The following ARL13A variants were observed in gnomAD, a reference collection of about 807,000 sequenced individuals.
ARL13A encodes the protein ARF like GTPase 13A.
A neutral mutation model predicts 19.1 loss-of-function variants in ARL13A; 16 were observed. That is an observed-to-expected ratio of 0.84 (90% CI 0.57 to 1.27). The LOEUF (loss-of-function observed/expected upper bound fraction) is 1.27. Among genes scored for constraint, ARL13A ranks in the 50% most tolerant of loss-of-function variants. The pLI, the probability that ARL13A is intolerant of heterozygous loss-of-function variation, is 0.00. For synonymous variants in ARL13A, 69 were observed against 71.3 expected, an observed-to-expected ratio of 0.97 and a Z score of 0.17; for missense variants, 153 against 186.4, an observed-to-expected ratio of 0.82 and a Z score of 1.04.
At chrX:100,988,525 C>T (rs1007662832) in intron 7 of ARL13A, 6 of 1,134,705 alleles carry the variant, frequency 5.3e-6, no homozygotes, top group African/African-American at 1.8e-5. Context: ...CTTATAGACT[C>T]CAGCTCCATA....
rs184251683 is a variant in ARL13A at position 100,970,859 on chromosome X, C to G, written c.-15+1050C>G. On this transcript the variant is annotated intron_variant, in intron 1 of 7. Coordinates refer to ENST00000450049, the MANE Select transcript of ARL13A (RefSeq NM_001162491.2). ...AGGATAGCTGTAAACAAAAAACAAG[C>G]ATTACTGGTGGGAATGTAAGATGTT... Among the ~76,000 whole-genome samples, 293 of 111,944 alleles carry G rather than the reference C, an allele frequency of 2.6e-3. 1 individual carries two copies. Among genetic ancestry groups the G allele is most frequent in the African/African-American group, 8.8e-3 (272 of 30,832 alleles).
chrX:100,974,244 C>T, intron 3 of ARL13A, 47 bp downstream of exon 3: 1 of 971,228 alleles, frequency 1.0e-6, no homozygotes, highest in South Asian at 2.1e-5. Flanking sequence ...TCCCATGGAC[C>T]CCAGAATCCA....
intron 3 of ARL13A, among the ~76,000 whole-genome samples, chrX:100,977,369 CTTTTTTTTTTTTTTT>C (rs59915769): frequency 3.5e-5 from 2 of 56,457 alleles, no homozygotes; most frequent in South Asian, 1.2e-3. Flanking sequence ...CTACTCTCTT[CTTTTTTTTTTTTTTT>C]TTTTTTTTTT....
At chrX:100,989,287 C>A (rs1479190099) in intron 7 of ARL13A, among the ~76,000 whole-genome samples, 1 of 111,185 alleles carries the variant, frequency 9.0e-6, no homozygotes, top group Non-Finnish European at 1.9e-5. Context: ...GGCCAAGGTG[C>A]CTTTCCTTTG....
At chrX:100,988,459 T>C (rs2085967918) in intron 7 of ARL13A, 176 bp downstream of exon 7, 1 of 1,195,595 alleles carries the variant, frequency 8.4e-7, no homozygotes, top group East Asian at 3.0e-5. Context: ...AGGTGAATGT[T>C]CTAGGAGAAT....
rs1453765760 is a variant in ARL13A, at chrX:100,985,794, T to C, written c.258T>C (p.Tyr86=). The C allele has an allele frequency of 3.3e-6, 4 of 1,209,711 alleles. No homozygotes were observed. In the Admixed American group the frequency reaches 6.6e-5, roughly 20 times the overall value. ...LKGREAWPNY[Y]AQAHGLVFVL... ...GCCGGGAAGCATGGCCAAACTACTA[T>C]GCACAGGCCCATGGGCTTGTTTTCG... The change falls in exon 4 of 8, where the codon TAT becomes TAC. Residue 86 remains tyrosine, a synonymous_variant. Transcript: ENST00000450049.
chrX:100,988,236 C>A lies in ARL13A; in HGVS notation c.697C>A (p.Leu233Ile). Residue 233 changes from leucine (L) to isoleucine (I), a missense_variant, in exon 7 of 8, where the codon CTA (leucine) becomes ATA (isoleucine). Transcript: ENST00000450049. ...TGMSKEKRQHLEQCSIEAKPL... is the reference protein window; with the variant it reads ...TGMSKEKRQHIEQCSIEAKPL... ...AATGTCAAAGGAGAAAAGACAGCAT[C>A]TAGAACAATGCTCAATCGAAGCTAA... is the stretch of plus-strand genomic sequence containing the variant. The A allele has an allele frequency of 8.3e-7, 1 of 1,209,326 alleles. No individual in the cohort carries two copies. The highest frequency in any genetic ancestry group is 1.1e-6 in the Non-Finnish European group (1 of 894,311).
chrX:100,977,366 CTTCTTTTTTTTTTTTT>C (rs1258600754), intron 3 of ARL13A, among the ~76,000 whole-genome samples: 1 of 78,172 alleles, frequency 1.3e-5, no homozygotes, highest in Non-Finnish European at 2.3e-5. Context: ...CTTCTACTCT[CTTCTTTTTTTTTTTTT>C]TTTTTTTTTT....
chrX:100,973,997 C>T (rs2085721576), intron 2 of ARL13A, 130 bp from the exon 3 acceptor site: 1 of 586,407 alleles, frequency 1.7e-6, no homozygotes. Context: ...TTTGGCTGGG[C>T]CTTTTATGGT....
chrX:100,973,306 C>A (rs1309570410), intron 1 of ARL13A, among the ~76,000 whole-genome samples: 1 of 88,115 alleles, frequency 1.1e-5, no homozygotes, highest in Non-Finnish European at 2.3e-5. Context: ...ACTTCCCAGA[C>A]GGGGTGGCGG....
intron 3 of ARL13A, among the ~76,000 whole-genome samples, chrX:100,974,409 C>A (rs1435896310): frequency 9.1e-6 from 1 of 109,497 alleles, no homozygotes; most frequent in Non-Finnish European, 1.9e-5. Context: ...CCCTTCCCCA[C>A]ATTACATAAA....
intron 1 of ARL13A, 59 bp from the exon 2 acceptor site, chrX:100,973,617 A>G (rs1048629553): frequency 1.8e-6 from 2 of 1,096,068 alleles, no homozygotes; most frequent in Admixed American, 4.5e-5. Flanking sequence ...AGCTGACTAA[A>G]GGCTCAGTGT....
intron 1 of ARL13A, among the ~76,000 whole-genome samples, chrX:100,972,445 G>A (rs1171888952): frequency 4.0e-5 from 4 of 99,581 alleles, no homozygotes; most frequent in Non-Finnish European, 4.2e-5. Flanking sequence ...GGGCAGAGGC[G>A]CCCCTCACCT....
intron 2 of ARL13A, 140 bp downstream of exon 2, chrX:100,973,888 G>T (rs1276749588): frequency 1.4e-6 from 1 of 704,761 alleles, no homozygotes; most frequent in East Asian, 3.4e-5. Flanking sequence ...TGGGGGCAGG[G>T]TTGAGGAGGG....
intron 3 of ARL13A, among the ~76,000 whole-genome samples, chrX:100,980,619 G>A (rs1216581096): frequency 2.7e-5 from 3 of 111,457 alleles, no homozygotes; most frequent in South Asian, 3.8e-4. Flanking sequence ...GCAAGACAAA[G>A]TCCTTTTTAC....
At chrX:100,974,220 T>C in intron 3 of ARL13A, 23 bp downstream of exon 3, 1 of 1,121,831 alleles carries the variant, frequency 8.9e-7, no homozygotes, top group Non-Finnish European at 1.2e-6. Context: ...GAGCATTAGA[T>C]ACTGGCGTGG....
chrX:100,990,594 T>C lies in ARL13A; in HGVS notation c.*6T>C, dbSNP rs1312303752. 8.7e-7 allele frequency: 1 copy of C among 1,155,294 alleles called. No homozygotes were observed. Among genetic ancestry groups the C allele is most frequent in the Non-Finnish European group, 1.2e-6 (1 of 864,929 alleles). ...ATCAATCCTATACTCACTGAGAGGC[T>C]CAAGAAGAGTGAGATGGCATCCATT... is the stretch of plus-strand genomic sequence containing the variant. On this transcript the variant is annotated 3_prime_UTR_variant, in exon 8 of 8. Coordinates refer to ENST00000450049, the MANE Select transcript of ARL13A (RefSeq NM_001162491.2).
rs199792040 is a variant in ARL13A, at chrX:100,982,470, A to AAAATAAATAAAT, written c.131-3169_131-3158dup. ...TGGTGCCACTGCACTCCAGGCTTAAAAAATAAATAAATAAATAAATAAATA... is the reference window on the plus strand; with the variant it reads ...TGGTGCCACTGCACTCCAGGCTTAAAAAATAAATAAATAAATAAATAAATAAATAAATAAATA... On this transcript the variant is annotated intron_variant, in intron 3 of 7. Coordinates refer to ENST00000450049, the MANE Select transcript of ARL13A (RefSeq NM_001162491.2). Among the ~76,000 whole-genome samples, 789 of 91,279 alleles carry AAAATAAATAAAT rather than the reference A, an allele frequency of 8.6e-3. 4 individuals carry two copies. Among genetic ancestry groups the AAAATAAATAAAT allele is most frequent in the African/African-American group, 0.016 (400 of 25,280 alleles). The allele number at this position is 91,279 out of a possible 115,157, so 79.3% of individuals were successfully genotyped here.
chrX:100,976,564 A>G (rs929115774), intron 3 of ARL13A, among the ~76,000 whole-genome samples: 3 of 111,830 alleles, frequency 2.7e-5, no homozygotes, highest in African/African-American at 9.7e-5. Flanking sequence ...CCCAAAATTG[A>G]ATAATTCACC....
Sources: allele counts gnomAD v4.1 joint callset (sites outside exome capture counted in the v4.1 genomes callset), GRCh38; gene constraint gnomAD v4.1.1; transcripts MANE v1.5; gene names NCBI Gene and HGNC (gene_info 2026-07-23, HGNC 2026-07-21).